Variants in SEZ6L observed in about 807,000 individuals in gnomAD.
SEZ6L encodes the protein seizure 6-like protein.
Under a neutral mutation model 106.2 loss-of-function variants are expected in SEZ6L, and 37 were observed. The ratio of observed to expected loss-of-function variants is 0.35; its 90% CI spans 0.27 to 0.46. The LOEUF (loss-of-function observed/expected upper bound fraction) is 0.46. Among genes scored for constraint, SEZ6L ranks in the 20% least tolerant of loss-of-function variants. The probability of loss-of-function intolerance (pLI) is 1.00; values close to 1 mark genes in which losing one functional copy is unlikely to be tolerated. For missense variants in SEZ6L, 1,172 were observed against 1,332.8 expected (o/e 0.88, Z 1.88); for synonymous variants, 541 against 570.4 (o/e 0.95, Z 0.73).
At chr22:26,306,855 T>C (rs2081648369) in intron 6 of SEZ6L, among the ~76,000 whole-genome samples, 1 of 152,230 alleles carries the variant, frequency 6.6e-6, no homozygotes, top group Non-Finnish European at 1.5e-5. Flanking sequence ...TTCTGGATTA[T>C]TCTGAGATCT....
intron 1 of SEZ6L, among the ~76,000 whole-genome samples, chr22:26,219,367 TTTTTATTTTTTTTG>T (rs1485882338): frequency 6.6e-6 from 1 of 151,970 alleles, no homozygotes. Flanking sequence ...CCCTCTTGCC[TTTTTATTTTTTTTG>T]TTTGTTTTTT....
intron 1 of SEZ6L, among the ~76,000 whole-genome samples, chr22:26,173,100 G>A (rs559146293): frequency 6.6e-6 from 1 of 152,330 alleles, no homozygotes; most frequent in East Asian, 1.9e-4. Flanking sequence ...TTCACCATCT[G>A]AGGAATGGGG....
chr22:26,304,389 A>AAAGAAAGAAAGAAAGAAAGAAAG (rs1569454418), intron 5 of SEZ6L, among the ~76,000 whole-genome samples: 8 of 127,346 alleles, frequency 6.3e-5, no homozygotes, highest in African/African-American at 2.3e-4. Context: ...AGAAAGAAAG[A>AAAGAAAGAAAGAAAGAAAGAAAG]AAGAAAGAAA....
intron 15 of SEZ6L, among the ~76,000 whole-genome samples, chr22:26,376,695 G>A (rs772290833): frequency 2.0e-5 from 3 of 152,156 alleles, no homozygotes; most frequent in Non-Finnish European, 2.9e-5. Context: ...GTTGCAGTGA[G>A]CCAAGATCAT....
chr22:26,285,229 C>T (rs1158009993), intron 1 of SEZ6L, among the ~76,000 whole-genome samples: 1 of 152,032 alleles, frequency 6.6e-6, no homozygotes, highest in Non-Finnish European at 1.5e-5. Flanking sequence ...CAGTGACGAG[C>T]ATGTAATAAG....
chr22:26,254,014 A>G (rs1158874343), intron 1 of SEZ6L: 1 of 152,244 alleles, frequency 6.6e-6, no homozygotes, highest in African/African-American at 2.4e-5. Flanking sequence ...GGAAATGTTC[A>G]TCCTTCGTAG....
intron 1 of SEZ6L, among the ~76,000 whole-genome samples, chr22:26,220,547 GC>G (rs1164655072): frequency 1.3e-5 from 2 of 152,178 alleles, no homozygotes; most frequent in Non-Finnish European, 2.9e-5. Context: ...TCTGTCAGTT[GC>G]CTTGGGTGAA....
intron 1 of SEZ6L, among the ~76,000 whole-genome samples, chr22:26,234,994 T>A (rs563203050): frequency 8.6e-4 from 131 of 152,372 alleles, no homozygotes; most frequent in South Asian, 4.1e-3. Flanking sequence ...TGTCTTATTC[T>A]GTTTCCTAGT....
At chr22:26,290,418 G>C (rs1185064887) in intron 1 of SEZ6L, among the ~76,000 whole-genome samples, 1 of 152,224 alleles carries the variant, frequency 6.6e-6, no homozygotes, top group Non-Finnish European at 1.5e-5. Flanking sequence ...TGTGGTCCCA[G>C]CTGCTCAGGA....
At chr22:26,319,356 G>A (rs748794798) in intron 9 of SEZ6L, among the ~76,000 whole-genome samples, 2 of 152,096 alleles carry the variant, frequency 1.3e-5, no homozygotes, top group Admixed American at 1.3e-4. Context: ...TGTTACAACC[G>A]AAGTCATAGC....
intron 1 of SEZ6L, among the ~76,000 whole-genome samples, chr22:26,213,326 G>C (rs1276317007): frequency 3.4e-4 from 48 of 139,766 alleles, no homozygotes; most frequent in Admixed American, 3.4e-3. Flanking sequence ...TCCAGACACC[G>C]GCTGGGTGGT....
intron 2 of SEZ6L, 118 bp downstream of exon 2, chr22:26,293,264 A>C (rs1162556469): frequency 7.4e-7 from 1 of 1,354,534 alleles, no homozygotes; most frequent in African/African-American, 1.5e-5. Context: ...GTTACCGTCC[A>C]TTGAGCACTG....
chr22:26,367,706 A>G (rs965964897), intron 13 of SEZ6L, among the ~76,000 whole-genome samples: 1 of 152,036 alleles, frequency 6.6e-6, no homozygotes, highest in African/African-American at 2.4e-5. Flanking sequence ...CCTCACAACC[A>G]GTTAGTTCCC....
chr22:26,347,609 C>T, intron 10 of SEZ6L, 110 bp from the exon 11 acceptor site: 1 of 884,670 alleles, frequency 1.1e-6, no homozygotes, highest in Non-Finnish European at 1.6e-6. Flanking sequence ...GCGTGTTGCT[C>T]ATTTCTAGAG....
chr22:26,364,998 C>T (rs139562272), intron 12 of SEZ6L: 59 of 167,840 alleles, frequency 3.5e-4, no homozygotes, highest in African/African-American at 1.2e-3. Flanking sequence ...TAAGCATTTC[C>T]TTACTTACCT....
chr22:26,332,793 C>A (rs2082529269), intron 9 of SEZ6L, among the ~76,000 whole-genome samples: 1 of 152,156 alleles, frequency 6.6e-6, no homozygotes, highest in South Asian at 2.1e-4. Context: ...TTTTCTGACA[C>A]AAGACTCAAT....
At chr22:26,299,359 T>C (rs1274534493) in intron 5 of SEZ6L, among the ~76,000 whole-genome samples, 190 bp downstream of exon 5, 1 of 152,224 alleles carries the variant, frequency 6.6e-6, no homozygotes, top group Non-Finnish European at 1.5e-5. Flanking sequence ...AATTTACCAT[T>C]GGAGACATTT....
chr22:26,196,696 C>T (rs1940604250), intron 1 of SEZ6L, among the ~76,000 whole-genome samples: 1 of 152,052 alleles, frequency 6.6e-6, no homozygotes, highest in Non-Finnish European at 1.5e-5. Flanking sequence ...AAGCTGGACT[C>T]ATCTCAGTGA....
chr22:26,221,539 C>A (rs902651577), intron 1 of SEZ6L, among the ~76,000 whole-genome samples: 1 of 152,208 alleles, frequency 6.6e-6, no homozygotes, highest in Non-Finnish European at 1.5e-5. Context: ...GGAAGACTTA[C>A]ACCCTGAGAA....
Sources: gnomAD v4.1 joint callset for allele counts (sites outside exome capture counted in the v4.1 genomes callset) on GRCh38, gnomAD v4.1.1 for gene constraint, MANE v1.5 for transcripts, NCBI Gene and HGNC (gene_info 2026-07-23, HGNC 2026-07-21) for gene names.